SAMMSON: variants seen among roughly 807,000 people sequenced by gnomAD.
The protein encoded by SAMMSON is survival associated mitochondrial melanoma specific oncogenic non-coding RNA, also known as long intergenic non-protein coding RNA 1212.
At chr3:70,243,495 T>G (rs1701679757) in intron 4 of SAMMSON, among the ~76,000 whole-genome samples, 3 of 152,246 alleles carry the variant, frequency 2.0e-5, no homozygotes, top group African/African-American at 4.8e-5. Context: ...GTGATGTAGT[T>G]TTCGTTTTTT....
At chr3:70,027,838 ACT>A (rs1375242936) in intron 3 of SAMMSON, among the ~76,000 whole-genome samples, 1 of 152,118 alleles carries the variant, frequency 6.6e-6, no homozygotes, top group African/African-American at 2.4e-5. Flanking sequence ...AAGGCTAATG[ACT>A]CTAAGAGCAA....
intron 4 of SAMMSON, chr3:70,126,564 G>A (rs763597553): frequency 6.6e-5 from 35 of 527,710 alleles, no homozygotes; most frequent in Non-Finnish European, 1.1e-4. Flanking sequence ...GTGGGGAGGA[G>A]CTTGTGCATC....
At chr3:70,434,239 A>C (rs1701439219) in intron 2 of SAMMSON, among the ~76,000 whole-genome samples, 1 of 152,196 alleles carries the variant, frequency 6.6e-6, no homozygotes, top group Non-Finnish European at 1.5e-5. Flanking sequence ...TTTTGGCAAT[A>C]TTGAGACTTC....
chr3:70,098,662 C>T (rs1014918484), intron 4 of SAMMSON, among the ~76,000 whole-genome samples: 7 of 152,016 alleles, frequency 4.6e-5, no homozygotes, highest in African/African-American at 9.7e-5. Flanking sequence ...CCACCACGCC[C>T]GGCCTCTTTT....
chr3:70,145,259 G>A (rs2106683651), intron 4 of SAMMSON, among the ~76,000 whole-genome samples: 2 of 152,218 alleles, frequency 1.3e-5, no homozygotes, highest in African/African-American at 4.8e-5. Context: ...AATTGTAGTT[G>A]GAGATTTTAA....
Position 70,345,451 on chromosome 3 carries a change from T to A in SAMMSON, n.740-8724T>A, listed in dbSNP as rs574264027. Among the ~76,000 whole-genome samples, 42 of 152,346 alleles carry A rather than the reference T, an allele frequency of 2.8e-4. No individual in the cohort carries two copies. In the East Asian group the frequency reaches 7.7e-3, roughly 28 times the overall value. On this transcript the variant is annotated intron_variant and non_coding_transcript_variant, in intron 7 of 9. Coordinates refer to ENST00000642114, the Ensembl canonical transcript of SAMMSON. ...CATTTGTAATTCAGCCAGATAGTTT[T>A]GTCCCATTTTGCATTTTATCATTTG...
chr3:70,184,915 T>C (rs1253048686), intron 4 of SAMMSON, among the ~76,000 whole-genome samples: 1 of 152,192 alleles, frequency 6.6e-6, no homozygotes, highest in African/African-American at 2.4e-5. Context: ...GACCTTTCCC[T>C]GTAAGACAGC....
intron 4 of SAMMSON, among the ~76,000 whole-genome samples, chr3:70,079,057 T>A (rs2067258889): frequency 6.6e-6 from 1 of 152,164 alleles, no homozygotes; most frequent in African/African-American, 2.4e-5. Flanking sequence ...AATTGAGTAG[T>A]TGCAACAGAG....
intron 4 of SAMMSON, among the ~76,000 whole-genome samples, chr3:70,135,721 A>G (rs529928797): frequency 2.0e-5 from 3 of 152,324 alleles, no homozygotes; most frequent in South Asian, 4.1e-4. Context: ...TTCCAAAAAT[A>G]TATTCTATAT....
intron 4 of SAMMSON, among the ~76,000 whole-genome samples, chr3:70,097,812 G>C (rs2106651895): frequency 6.6e-6 from 1 of 152,168 alleles, no homozygotes; most frequent in South Asian, 2.1e-4. Flanking sequence ...CCCAGAACCG[G>C]GAGATAAGGT....
intron 3 of SAMMSON, among the ~76,000 whole-genome samples, chr3:70,041,554 A>G (rs1375204420): frequency 6.6e-6 from 1 of 152,118 alleles, no homozygotes; most frequent in East Asian, 1.9e-4. Flanking sequence ...CATTGGTGAC[A>G]TATATTATAT....
intron 4 of SAMMSON, among the ~76,000 whole-genome samples, chr3:70,211,980 C>T (rs1238308151): frequency 6.6e-6 from 1 of 151,802 alleles, no homozygotes. Context: ...TCAGCTTCTG[C>T]TATCCTCCAG....
chr3:70,336,705 C>A (rs1392150967), intron 7 of SAMMSON, among the ~76,000 whole-genome samples: 1 of 151,830 alleles, frequency 6.6e-6, no homozygotes, highest in African/African-American at 2.4e-5. Context: ...GTTGAACTTA[C>A]TAGCAACATT....
chr3:70,329,815 CT>C (rs1200368499), intron 7 of SAMMSON, among the ~76,000 whole-genome samples: 1 of 151,834 alleles, frequency 6.6e-6, no homozygotes, highest in African/African-American at 2.4e-5. Flanking sequence ...TTTCTCAAAA[CT>C]TTATTGAAAT....
At chr3:70,358,668 T>C (rs1702847376) in intron 9 of SAMMSON, among the ~76,000 whole-genome samples, 1 of 152,066 alleles carries the variant, frequency 6.6e-6, no homozygotes, top group South Asian at 2.1e-4. Context: ...GGGTAGAAAA[T>C]ATATCTTCTG....
chr3:70,248,903 C>T (rs1302263395), intron 4 of SAMMSON, among the ~76,000 whole-genome samples: 1 of 152,070 alleles, frequency 6.6e-6, no homozygotes. Flanking sequence ...AATCTACTTA[C>T]CAGGAAATGG....
chr3:70,113,329 A>G (rs932991127), intron 4 of SAMMSON, among the ~76,000 whole-genome samples: 2 of 152,156 alleles, frequency 1.3e-5, no homozygotes, highest in African/African-American at 4.8e-5. Context: ...TCATATTTTG[A>G]TCATGCACAT....
At chr3:70,223,934 C>A (rs1446763801) in intron 4 of SAMMSON, among the ~76,000 whole-genome samples, 1 of 152,020 alleles carries the variant, frequency 6.6e-6, no homozygotes, top group Non-Finnish European at 1.5e-5. Flanking sequence ...CTCCCCCCAC[C>A]CTTTTGGTTT....
chr3:70,363,269 C>G (rs1305478169), intron 9 of SAMMSON, among the ~76,000 whole-genome samples: 1 of 151,940 alleles, frequency 6.6e-6, no homozygotes, highest in Admixed American at 6.6e-5. Context: ...AGAACTGGAA[C>G]AAGACAAGGA....
Sources: allele counts gnomAD v4.1 joint callset (sites outside exome capture counted in the v4.1 genomes callset), GRCh38; gene constraint gnomAD v4.1.1; transcripts MANE v1.5; gene names NCBI Gene and HGNC (gene_info 2026-07-23, HGNC 2026-07-21).